GIPC1: variants seen among roughly 807,000 people sequenced by gnomAD.
GIPC1 encodes PDZ domain-containing protein GIPC1.
Under a neutral mutation model 28.5 loss-of-function variants are expected in GIPC1, and 15 were observed. That is an observed-to-expected ratio of 0.53 (90% CI 0.35 to 0.81). The LOEUF is 0.81. Ranked by LOEUF, GIPC1 falls within the 30% of genes least tolerant of loss-of-function variation. The pLI, the probability that GIPC1 is intolerant of heterozygous loss-of-function variation, is 0.01. For missense variants in GIPC1, 439 were observed against 481.9 expected (o/e 0.91, Z 0.83); for synonymous variants, 224 against 206.1 (o/e 1.09, Z -0.74).
Position 14,496,107 on chromosome 19 carries a change from G to A in GIPC1, c.-245C>T, listed in dbSNP as rs1599369835. On this transcript the variant is annotated 5_prime_UTR_variant, in exon 1 of 9. Transcript: ENST00000393033. ...CGCCTCCCCGTGCGCACCCGGCTCG[G>A]CCCTCCGCAAACTCCAGACCGGGCC... 1 of 214,876 alleles carries A rather than the reference G, an allele frequency of 4.7e-6. No individual in the cohort carries two copies. The allele number at this position is 214,876 out of a possible 1,614,324, so 13.3% of individuals were successfully genotyped here.
intron 3 of GIPC1, chr19:14,483,371 G>A (rs62122613): frequency 0.16 from 29,544 of 186,974 alleles, 2,994 homozygotes; most frequent in East Asian, 0.52. Flanking sequence ...CACAAGAATA[G>A]CTTGAACTGG....
Position 14,485,692 on chromosome 19 carries a change from TATATATATATAGAGAGAG to T in GIPC1, c.-30-2704_-30-2687del, listed in dbSNP as rs1349766157. On this transcript the variant is annotated intron_variant, in intron 3 of 8. Transcript: ENST00000393033. ...AAATAAATAAATAAACAAATATATA[TATATATATATAGAGAGAG>T]AGAGAGAGAGAGAGAGAGAGAGAGA... Among the ~76,000 whole-genome samples the T allele has an allele frequency of 2.4e-3, 167 of 68,940 alleles. 1 individual carries two copies. Among genetic ancestry groups the T allele is most frequent in the African/African-American group, 1.6e-3 (30 of 18,220 alleles). 45.2% of individuals were successfully genotyped at this position (68,940 alleles called of 152,430 possible). A position where few individuals can be genotyped will look rare whatever the true frequency, so the allele number is the denominator to read the frequency against.
chr19:14,488,981 A>C (rs535378559), intron 3 of GIPC1, among the ~76,000 whole-genome samples: 1 of 151,626 alleles, frequency 6.6e-6, no homozygotes, highest in Non-Finnish European at 1.5e-5. Flanking sequence ...GCTGCAGTGG[A>C]GTGATGTGAT....
Position 14,485,650 on chromosome 19 carries a change from C to T in GIPC1, c.-30-2644G>A, listed in dbSNP as rs537277956. Reference sequence around the variant, plus strand: ...CAGCCTGGGTGACAGAGATAGACTCCGTCTCAAAAAATAAATAAATAAATA... The same window carrying T: ...CAGCCTGGGTGACAGAGATAGACTCTGTCTCAAAAAATAAATAAATAAATA... On this transcript the variant is annotated intron_variant, in intron 3 of 8. Coordinates refer to ENST00000393033, the MANE Select transcript of GIPC1 (RefSeq NM_005716.4). Among the ~76,000 whole-genome samples the T allele has an allele frequency of 1.7e-4, 20 of 120,370 alleles. 1 individual carries two copies. Among genetic ancestry groups the T allele is most frequent in the East Asian group, 1.4e-3 (5 of 3,636 alleles). The allele number at this position is 120,370 out of a possible 152,430, so 79.0% of individuals were successfully genotyped here. A position where few individuals can be genotyped will look rare whatever the true frequency, so the allele number is the denominator to read the frequency against.
Position 14,478,408 on chromosome 19 carries a change from G to C in GIPC1, c.*8C>G. The C allele has an allele frequency of 1.2e-6, 2 of 1,603,376 alleles. No individual in the cohort carries two copies. Among genetic ancestry groups the C allele is most frequent in the Middle Eastern group, 1.7e-4 (1 of 5,776 alleles). On this transcript the variant is annotated 3_prime_UTR_variant, in exon 9 of 9. Coordinates refer to ENST00000393033, the MANE Select transcript of GIPC1 (RefSeq NM_005716.4). The surrounding 1 kb of genome is among the most constrained non-coding windows in gnomAD (Gnocchi z 5.2). Reference sequence around the variant, plus strand: ...CCCGGGTCATCATCGCAGGGTCCGGGGGCAGTCCTAGTAGCGGCCGACCTT... The same window carrying C: ...CCCGGGTCATCATCGCAGGGTCCGGCGGCAGTCCTAGTAGCGGCCGACCTT...
At chr19:14,495,735 C>A (rs1024024420) in intron 1 of GIPC1, among the ~76,000 whole-genome samples, 1 of 152,088 alleles carries the variant, frequency 6.6e-6, no homozygotes, top group Non-Finnish European at 1.5e-5. Context: ...ACTGACCCCG[C>A]GCCTGTCCAC....
In GIPC1 at chr19:14,478,828, G is replaced by A. The variant is rs945629684; in HGVS notation, c.769-63C>T. 27 of 1,203,526 alleles carry A rather than the reference G, an allele frequency of 2.2e-5. No individual in the cohort carries two copies. Among genetic ancestry groups the A allele is most frequent in the Non-Finnish European group, 3.1e-5 (25 of 806,862 alleles). The allele number at this position is 1,203,526 out of a possible 1,614,324, so 74.6% of individuals were successfully genotyped here. Reference sequence around the variant, plus strand: ...ATGTGAATATACATAGTAATTGGACGGACTGCCATTGTCACCACTTTACAT... The same window carrying A: ...ATGTGAATATACATAGTAATTGGACAGACTGCCATTGTCACCACTTTACAT... On this transcript the variant is annotated intron_variant, in intron 7 of 8. Coordinates refer to ENST00000393033, the MANE Select transcript of GIPC1 (RefSeq NM_005716.4). The surrounding 1 kb of genome is among the most constrained non-coding windows in gnomAD (Gnocchi z 5.2).
chr19:14,489,362 A>G (rs1223031433), intron 3 of GIPC1: 2 of 782,776 alleles, frequency 2.6e-6, no homozygotes, highest in African/African-American at 1.7e-5. Context: ...GTTCCAAGGC[A>G]TCTGTGAGCC....
At chr19:14,480,867 G>C in intron 4 of GIPC1, 89 bp from the exon 5 acceptor site, 1 of 921,870 alleles carries the variant, frequency 1.1e-6, no homozygotes, top group Non-Finnish European at 1.7e-6. Flanking sequence ...AGCTGGGAGA[G>C]GACTAGGGGG....
rs760929416 is a variant in GIPC1 at position 14,478,609 on chromosome 19, G to A, written c.851-42C>T. 3.7e-6 allele frequency: 6 copies of A among 1,613,042 alleles called. No individual in the cohort carries two copies. In the East Asian group the frequency reaches 1.3e-4, roughly 36 times the overall value. ...CAGAACGGAGGCACAAATGACACCAGGGACCAAGGGGCTCAGGGTGGATTC... is the reference window on the plus strand; with the variant it reads ...CAGAACGGAGGCACAAATGACACCAAGGACCAAGGGGCTCAGGGTGGATTC... On this transcript the variant is annotated intron_variant, in intron 8 of 8. Coordinates refer to ENST00000393033, the MANE Select transcript of GIPC1 (RefSeq NM_005716.4). This position sits in a 1 kb window ranked among gnomAD's most constrained non-coding sequence, Gnocchi z 5.2.
At chr19:14,491,459 A>G (rs574915273) in intron 3 of GIPC1, among the ~76,000 whole-genome samples, 197 bp downstream of exon 3, 23 of 151,816 alleles carry the variant, frequency 1.5e-4, no homozygotes, top group Non-Finnish European at 2.6e-4. Flanking sequence ...GGGTTTCTCC[A>G]TGTTGACCAG....
chr19:14,482,573 G>A, intron 4 of GIPC1, 116 bp downstream of exon 4: 1 of 1,047,588 alleles, frequency 9.5e-7, no homozygotes, highest in Non-Finnish European at 1.4e-6. Flanking sequence ...CACTGAGTGG[G>A]GCCCAGGCTC....
intron 2 of GIPC1, 84 bp from the exon 3 acceptor site, chr19:14,491,827 C>G (rs570395598): frequency 2.0e-5 from 3 of 152,150 alleles, no homozygotes; most frequent in Non-Finnish European, 4.4e-5. Context: ...AAATCAGTGT[C>G]GGCCGGGTGT....
At chr19:14,485,751 GGAGA>G (rs1324783645) in intron 3 of GIPC1, among the ~76,000 whole-genome samples, 47 of 116,992 alleles carry the variant, frequency 4.0e-4, no homozygotes, top group African/African-American at 1.5e-3. Context: ...ACAGAGAGAG[GGAGA>G]GAGAGAGAAA....
intron 3 of GIPC1, among the ~76,000 whole-genome samples, chr19:14,486,875 A>G (rs2071856719): frequency 6.6e-6 from 1 of 151,178 alleles, no homozygotes; most frequent in Admixed American, 6.6e-5. Flanking sequence ...ACCTCAAGTG[A>G]TCCACCCGCC....
chr19:14,494,472 T>C (rs1391308407), intron 1 of GIPC1, among the ~76,000 whole-genome samples: 1 of 152,246 alleles, frequency 6.6e-6, no homozygotes. Context: ...ATTTTATTCA[T>C]AGCAGTTAGT....
rs889901566 is a variant in GIPC1, at chr19:14,480,514, G to A, written c.475-29C>T. 4 of 1,605,920 alleles carry A rather than the reference G, an allele frequency of 2.5e-6. No homozygotes were observed. The African/African-American group carries it at 5.3e-5, about 21-fold the overall frequency. The stretch of plus-strand genomic sequence containing the variant: ...CGGGGGCGGGGAGTCATCAGCCCTT[G>A]GGGCTCTGCCCTGGTTTCCGGGGTC... On this transcript the variant is annotated intron_variant, in intron 5 of 8. Transcript: ENST00000393033.
At chr19:14,480,050 G>A in intron 6 of GIPC1, 1 of 586,640 alleles carries the variant, frequency 1.7e-6, no homozygotes, top group Non-Finnish European at 3.0e-6. Context: ...CAGGGCTGAG[G>A]GCGCTTGGCT....
chr19:14,492,313 G>T (rs1299403574), intron 2 of GIPC1, among the ~76,000 whole-genome samples: 3 of 144,744 alleles, frequency 2.1e-5, no homozygotes, highest in Non-Finnish European at 4.6e-5. Context: ...GCCATCTTTT[G>T]TTTTTTTTTT....
Sources: gnomAD v4.1 joint callset for allele counts (sites outside exome capture counted in the v4.1 genomes callset) on GRCh38, gnomAD v4.1.1 for gene constraint, Gnocchi (gnomAD v3.1) non-coding constraint, MANE v1.5 for transcripts, NCBI Gene and HGNC (gene_info 2026-07-23, HGNC 2026-07-21) for gene names.